IL34: variants seen among roughly 807,000 people sequenced by gnomAD.
IL34 encodes the protein interleukin-34.
A neutral mutation model predicts 25.3 loss-of-function variants in IL34; 17 were observed. That is an observed-to-expected ratio of 0.67 (90% confidence interval 0.46 to 1.01). The LOEUF (loss-of-function observed/expected upper bound fraction) is 1.01. IL34 is among the 50% of genes least tolerant of loss of function. The probability of loss-of-function intolerance (pLI) is 0.00; values close to 1 mark genes in which losing one functional copy is unlikely to be tolerated. For missense variants in IL34, 368 were observed against 312.9 expected, an observed-to-expected ratio of 1.18 and a Z score of -1.33; for synonymous variants, 174 against 140.9, an observed-to-expected ratio of 1.23 and a Z score of -1.66.
chr16:70,652,839 A>T lies in IL34; in HGVS notation c.29-1699A>T, dbSNP rs181681464. On this transcript the variant is annotated intron_variant, in intron 1 of 5. Coordinates refer to ENST00000288098, the MANE Select transcript of IL34 (RefSeq NM_001393494.1). Reference sequence around the variant, plus strand: ...AAATCGATTAATAACAGAAATTGCTAAATTGCTTTCCAGGACAGCACTTGT... The same window carrying T: ...AAATCGATTAATAACAGAAATTGCTTAATTGCTTTCCAGGACAGCACTTGT... Among the ~76,000 whole-genome samples, 22 of 152,346 alleles carry T rather than the reference A, an allele frequency of 1.4e-4. No individual in the cohort carries two copies. In the East Asian group the frequency reaches 3.1e-3, roughly 21 times the overall value.
At chr16:70,651,658 A>T (rs1034136060) in intron 1 of IL34, among the ~76,000 whole-genome samples, 1 of 152,060 alleles carries the variant, frequency 6.6e-6, no homozygotes, top group South Asian at 2.1e-4. Flanking sequence ...CTGCAAGGAC[A>T]AAGTCTTCCA....
chr16:70,621,339 C>G (rs1440612055), intron 1 of IL34, among the ~76,000 whole-genome samples: 1 of 152,054 alleles, frequency 6.6e-6, no homozygotes, highest in Admixed American at 6.6e-5. Context: ...AAACATGTCT[C>G]CTTCGTCTCT....
intron 1 of IL34, among the ~76,000 whole-genome samples, chr16:70,607,776 A>AT (rs1424090676): frequency 4.7e-5 from 7 of 150,400 alleles, no homozygotes; most frequent in African/African-American, 1.7e-4. Context: ...TTAATTTTTA[A>AT]TTTTTTGAGA....
chr16:70,612,466 G>C (rs541922876), intron 1 of IL34, among the ~76,000 whole-genome samples: 1 of 152,206 alleles, frequency 6.6e-6, no homozygotes, highest in African/African-American at 2.4e-5. Context: ...CTGGATCTCA[G>C]GTAAGGCCCA....
chr16:70,599,293 C>CTTTCT (rs113794220), intron 1 of IL34, among the ~76,000 whole-genome samples: 15 of 132,790 alleles, frequency 1.1e-4, no homozygotes, highest in East Asian at 8.9e-4. Flanking sequence ...TTCTTTCTTT[C>CTTTCT]TTCTTTCTTT....
intron 1 of IL34, among the ~76,000 whole-genome samples, chr16:70,602,221 G>A (rs1033455181): frequency 1.3e-5 from 2 of 152,206 alleles, no homozygotes; most frequent in African/African-American, 4.8e-5. Context: ...GCTGGGCTGG[G>A]GGAATGTGGT....
At chr16:70,587,549 G>A (rs1018603631) in intron 1 of IL34, among the ~76,000 whole-genome samples, 33 of 151,978 alleles carry the variant, frequency 2.2e-4, no homozygotes, top group African/African-American at 7.7e-4. Context: ...GGGATTACAG[G>A]TGTGAGCCAC....
intron 1 of IL34, among the ~76,000 whole-genome samples, chr16:70,615,256 C>A (rs996925749): frequency 1.3e-5 from 2 of 152,170 alleles, no homozygotes; most frequent in Non-Finnish European, 2.9e-5. Flanking sequence ...CGCCTGTAAT[C>A]CCAGCACTTT....
intron 1 of IL34, among the ~76,000 whole-genome samples, chr16:70,585,400 A>C (rs1158578841): frequency 6.6e-6 from 1 of 152,084 alleles, no homozygotes; most frequent in African/African-American, 2.4e-5. Context: ...ATTAAAAAAT[A>C]ATTTTTTTGA....
chr16:70,632,982 T>C (rs2051554096), intron 1 of IL34, among the ~76,000 whole-genome samples: 1 of 152,066 alleles, frequency 6.6e-6, no homozygotes, highest in South Asian at 2.1e-4. Flanking sequence ...GACATATTTT[T>C]TTTTGAAACA....
At chr16:70,648,345 C>T (rs1218844201) in intron 1 of IL34, among the ~76,000 whole-genome samples, 3 of 151,868 alleles carry the variant, frequency 2.0e-5, no homozygotes, top group East Asian at 1.9e-4. Context: ...GGCTTGAGGC[C>T]AGGAGTTTGA....
intron 1 of IL34, among the ~76,000 whole-genome samples, chr16:70,614,337 A>T (rs545266038): frequency 1.2e-4 from 18 of 152,110 alleles, no homozygotes; most frequent in Middle Eastern, 3.4e-3. Flanking sequence ...TCCTTGCACC[A>T]CCCCATCAGT....
At chr16:70,647,281 T>C (rs8061569) in intron 1 of IL34, among the ~76,000 whole-genome samples, 87,265 of 151,946 alleles carry the variant, frequency 0.57, 28,287 homozygotes, top group African/African-American at 0.9. Flanking sequence ...CTTGTGGGTG[T>C]TGGGGAGCCC....
intron 4 of IL34, among the ~76,000 whole-genome samples, chr16:70,658,517 G>A (rs575955973): frequency 3.3e-5 from 5 of 151,610 alleles, no homozygotes; most frequent in East Asian, 1.9e-4. Flanking sequence ...GAGTCTCACT[G>A]TGTCGCCCAG....
chr16:70,585,306 T>C (rs1312789270), intron 1 of IL34, among the ~76,000 whole-genome samples: 1 of 152,030 alleles, frequency 6.6e-6, no homozygotes, highest in African/African-American at 2.4e-5. Context: ...GGCACAAACA[T>C]GGTTCACTGC....
intron 1 of IL34, among the ~76,000 whole-genome samples, chr16:70,622,365 A>G (rs12596861): frequency 0.39 from 59,260 of 151,362 alleles, 12,357 homozygotes; most frequent in South Asian, 0.61. Flanking sequence ...GGAAGGGAGG[A>G]GGCCTGAATA....
chr16:70,618,908 A>T (rs2051218070), intron 1 of IL34, among the ~76,000 whole-genome samples: 1 of 152,128 alleles, frequency 6.6e-6, no homozygotes, highest in South Asian at 2.1e-4. Flanking sequence ...GAAAGTGAAG[A>T]GAGGCTGGGA....
chr16:70,646,112 G>C (rs750634003), upstream of IL34, among the ~76,000 whole-genome samples: 1 of 151,280 alleles, frequency 6.6e-6, no homozygotes, highest in Non-Finnish European at 1.5e-5. Flanking sequence ...GTCTTACTAT[G>C]CTGACCAGGC....
intron 1 of IL34, among the ~76,000 whole-genome samples, chr16:70,651,242 T>C (rs2052070972): frequency 6.6e-6 from 1 of 152,016 alleles, no homozygotes; most frequent in African/African-American, 2.4e-5. Context: ...AGAGGGTACC[T>C]AGCGCAGGGC....
Sources: gnomAD v4.1 joint callset for allele counts (sites outside exome capture counted in the v4.1 genomes callset) on GRCh38, gnomAD v4.1.1 for gene constraint, MANE v1.5 for transcripts, NCBI Gene and HGNC (gene_info 2026-07-23, HGNC 2026-07-21) for gene names.